Variants in COL28A1 observed in about 807,000 individuals in gnomAD.
COL28A1 encodes collagen type XXVIII alpha 1 chain.
In COL28A1, 161 loss-of-function variants were observed where a neutral mutation model predicts 150.2. The observed-to-expected ratio is 1.07, with a 90% CI of 0.94 to 1.22. The LOEUF (loss-of-function observed/expected upper bound fraction) is 1.22. COL28A1 is among the 50% of genes most tolerant of loss of function. The probability of loss-of-function intolerance (pLI) is 0.00; values close to 1 mark genes in which losing one functional copy is unlikely to be tolerated. For missense variants in COL28A1, 1,617 were observed against 1,388.3 expected, an observed-to-expected ratio of 1.16 and a Z score of -2.62; for synonymous variants, 552 against 469.7, an observed-to-expected ratio of 1.18 and a Z score of -2.26.
intron 14 of COL28A1, among the ~76,000 whole-genome samples, 200 bp downstream of exon 14, chr7:7,476,912 T>A (rs955742774): frequency 6.6e-6 from 1 of 152,256 alleles, no homozygotes. Context: ...AGTAGAAGTC[T>A]TTCAATTACT....
At chr7:7,410,155 T>C (rs1360290923) in intron 27 of COL28A1, among the ~76,000 whole-genome samples, 3 of 152,150 alleles carry the variant, frequency 2.0e-5, no homozygotes, top group East Asian at 3.8e-4. Flanking sequence ...CCAGCCTCAG[T>C]TAATAAATGC....
At chr7:7,507,073 A>C in intron 10 of COL28A1, 44 bp downstream of exon 10, 1 of 894,052 alleles carries the variant, frequency 1.1e-6, no homozygotes, top group Non-Finnish European at 1.9e-6. Context: ...AAAACTCCCC[A>C]GGTGATTCTA....
At chr7:7,371,561 C>T (rs1781224143) in intron 32 of COL28A1, among the ~76,000 whole-genome samples, 2 of 152,234 alleles carry the variant, frequency 1.3e-5, no homozygotes, top group African/African-American at 4.8e-5. Flanking sequence ...ACTCCACTCC[C>T]AGGTGGGTGA....
chr7:7,463,490 A>G (rs187151791), intron 15 of COL28A1, among the ~76,000 whole-genome samples: 78 of 152,298 alleles, frequency 5.1e-4, no homozygotes, highest in Middle Eastern at 3.4e-3. Context: ...AAACTCTACA[A>G]GCTAGAAGGG....
chr7:7,458,615 T>C (rs1021309758), intron 15 of COL28A1, among the ~76,000 whole-genome samples: 2 of 152,192 alleles, frequency 1.3e-5, no homozygotes, highest in Non-Finnish European at 2.9e-5. Context: ...TGGAATCCAG[T>C]TCTGGCTCAG....
chr7:7,445,259 T>C (rs1786160943), intron 18 of COL28A1, among the ~76,000 whole-genome samples: 1 of 152,190 alleles, frequency 6.6e-6, no homozygotes, highest in South Asian at 2.1e-4. Flanking sequence ...AAAATGCCTC[T>C]TGAAGACAGA....
intron 14 of COL28A1, among the ~76,000 whole-genome samples, chr7:7,475,696 T>C (rs749069722): frequency 3.3e-5 from 5 of 152,186 alleles, no homozygotes; most frequent in Non-Finnish European, 5.9e-5. Flanking sequence ...AGAGAAATAA[T>C]TCTATTTGAA....
intron 15 of COL28A1, among the ~76,000 whole-genome samples, chr7:7,471,721 C>A (rs1053000427): frequency 7.2e-5 from 11 of 151,990 alleles, no homozygotes; most frequent in African/African-American, 2.4e-4. Context: ...ATGATGAAAC[C>A]CCATCTCTAC....
chr7:7,365,503 G>C (rs1275092014), intron 33 of COL28A1, among the ~76,000 whole-genome samples: 1 of 152,108 alleles, frequency 6.6e-6, no homozygotes, highest in African/African-American at 2.4e-5. Context: ...ATCTTTAAGG[G>C]GAGGAAAACA....
intron 11 of COL28A1, among the ~76,000 whole-genome samples, chr7:7,499,646 G>T (rs1017125876): frequency 6.6e-6 from 1 of 152,104 alleles, no homozygotes; most frequent in African/African-American, 2.4e-5. Flanking sequence ...TTAGGAAATT[G>T]TTAGGTTTTT....
At chr7:7,542,039 T>C in the COL28A1 span, among the ~76,000 whole-genome samples, 8 of 152,312 alleles carry the variant, frequency 5.3e-5, no homozygotes, top group Admixed American at 5.2e-4. Context: ...GCAACTTACT[T>C]TGAAATGCAT....
chr7:7,500,573 C>T (rs749036251), intron 11 of COL28A1, among the ~76,000 whole-genome samples: 4 of 152,192 alleles, frequency 2.6e-5, no homozygotes, highest in Non-Finnish European at 4.4e-5. Flanking sequence ...TTGATTAGCA[C>T]ACTTCCAGCT....
intron 27 of COL28A1, among the ~76,000 whole-genome samples, chr7:7,399,210 C>T (rs1429207739): frequency 6.6e-6 from 1 of 152,098 alleles, no homozygotes; most frequent in Non-Finnish European, 1.5e-5. Context: ...TTTTTGTGTT[C>T]TGACCTCTGT....
chr7:7,343,900 C>CG, the COL28A1 span, among the ~76,000 whole-genome samples: 1 of 151,766 alleles, frequency 6.6e-6, no homozygotes, highest in African/African-American at 2.4e-5. Flanking sequence ...CTCAGTTACT[C>CG]GGGAGGCTGA....
chr7:7,373,106 C>G lies in COL28A1; in HGVS notation c.2800G>C (p.Val934Leu). The part of the protein sequence containing the change: ...DTNVEIFVIG[V>L]VKKNDPNFEI... ...AAGTTGGGATCATTTTTCTTCACCA[C>G]CCCTATCACAAATATCTCCACATTG... Residue 934 changes from valine to leucine, a missense_variant, in exon 32 of 35, where the codon GTG becomes CTG. Val to Leu is a conservative substitution (Grantham distance 32). Coordinates refer to ENST00000399429, the MANE Select transcript of COL28A1 (RefSeq NM_001037763.3). The surrounding 1 kb of genome is among the most constrained non-coding windows in gnomAD (Gnocchi z 4.1). 1.2e-6 allele frequency: 2 copies of G among 1,614,168 alleles called. No individual in the cohort carries two copies. The highest frequency in any genetic ancestry group is 1.7e-6 in the Non-Finnish European group (2 of 1,179,996).
At chr7:7,378,564 G>C (rs780950288) in intron 30 of COL28A1, among the ~76,000 whole-genome samples, 1 of 152,160 alleles carries the variant, frequency 6.6e-6, no homozygotes, top group Non-Finnish European at 1.5e-5. Flanking sequence ...AAATGAATCT[G>C]CACAATTGAT....
chr7:7,341,849 C>T, the COL28A1 span, among the ~76,000 whole-genome samples: 1 of 151,922 alleles, frequency 6.6e-6, no homozygotes, highest in Non-Finnish European at 1.5e-5. Flanking sequence ...TTTTTATGGA[C>T]CAGTATATGG....
intron 23 of COL28A1, among the ~76,000 whole-genome samples, chr7:7,435,326 A>T (rs974288831): frequency 6.6e-6 from 1 of 152,232 alleles, no homozygotes; most frequent in Non-Finnish European, 1.5e-5. Context: ...CAAATTAGAA[A>T]ATTTGCTATT....
chr7:7,389,801 G>A (rs568452986), intron 27 of COL28A1, among the ~76,000 whole-genome samples: 1 of 152,070 alleles, frequency 6.6e-6, no homozygotes, highest in Non-Finnish European at 1.5e-5. Flanking sequence ...CTGTTTGTTT[G>A]TTATTGGTGT....
Sources: gnomAD v4.1 joint callset for allele counts (sites outside exome capture counted in the v4.1 genomes callset) on GRCh38, gnomAD v4.1.1 for gene constraint, Gnocchi (gnomAD v3.1) non-coding constraint, MANE v1.5 for transcripts, NCBI Gene and HGNC (gene_info 2026-07-23, HGNC 2026-07-21) for gene names.